PLGRKT: variants seen among roughly 807,000 people sequenced by gnomAD.
PLGRKT encodes plasminogen receptor with a C-terminal lysine, also known as plasminogen receptor (KT).
In PLGRKT, 22 loss-of-function variants were observed where a neutral mutation model predicts 18.5. The ratio of observed to expected loss-of-function variants is 1.19; its 90% CI spans 0.85 to 1.70. PLGRKT has a LOEUF of 1.70. Ranked by LOEUF, PLGRKT falls within the 40% of genes most tolerant of loss-of-function variation. PLGRKT has a pLI of 0.00. For missense variants in PLGRKT, 235 were observed against 174.4 expected, an observed-to-expected ratio of 1.35 and a Z score of -1.96; for synonymous variants, 72 against 52.8, an observed-to-expected ratio of 1.36 and a Z score of -1.58.
chr9:5,409,708 GC>G (rs1335031036), intron 3 of PLGRKT, among the ~76,000 whole-genome samples: 1 of 152,174 alleles, frequency 6.6e-6, no homozygotes, highest in Admixed American at 6.5e-5. Flanking sequence ...ACCAGTGTGC[GC>G]TGGATGTGGG....
intron 3 of PLGRKT, among the ~76,000 whole-genome samples, chr9:5,413,590 G>C (rs753827533): frequency 6.6e-6 from 1 of 152,144 alleles, no homozygotes; most frequent in Non-Finnish European, 1.5e-5. Context: ...AAGGAATGCA[G>C]GCAGCCTCTA....
chr9:5,361,550 A>G (rs1431533468), intron 4 of PLGRKT, among the ~76,000 whole-genome samples: 2 of 152,234 alleles, frequency 1.3e-5, no homozygotes, highest in African/African-American at 4.8e-5. Flanking sequence ...TAAAGTAGAG[A>G]AAAAGACAGA....
At chr9:5,368,634 A>G (rs775224941) in intron 3 of PLGRKT, among the ~76,000 whole-genome samples, 2 of 152,208 alleles carry the variant, frequency 1.3e-5, no homozygotes, top group African/African-American at 4.8e-5. Flanking sequence ...GTTGGGTTCT[A>G]TGCTCACCAT....
chr9:5,432,236 T>C lies in PLGRKT; in HGVS notation c.-6-253A>G, dbSNP rs1260268653. On this transcript the variant is annotated intron_variant, in intron 2 of 5. Coordinates refer to ENST00000223864, the MANE Select transcript of PLGRKT (RefSeq NM_018465.4). ...CTAGATAATTTCCAAAATCCTTCCC[T>C]GCTCTATAAGTATATGGCTGTTTCC... 2.0e-5 allele frequency among the ~76,000 whole-genome samples: 3 copies of C among 152,322 alleles called. No homozygotes were observed. In the East Asian group the frequency reaches 5.8e-4, roughly 29 times the overall value.
chr9:5,395,551 T>C lies in PLGRKT; in HGVS notation c.82-33663A>G, dbSNP rs577612488. Among the ~76,000 whole-genome samples the C allele has an allele frequency of 2.4e-4, 37 of 152,054 alleles. No homozygotes were observed. The South Asian group carries it at 7.7e-3, about 31-fold the overall frequency. ...TATGAAATAAGAAAGTATTGACTCA[T>C]GTAGCAGAAAGTAATATAAGAGCAG... On this transcript the variant is annotated intron_variant, in intron 3 of 5. Coordinates refer to ENST00000223864, the MANE Select transcript of PLGRKT (RefSeq NM_018465.4).
chr9:5,411,513 G>A (rs907237181), intron 3 of PLGRKT, among the ~76,000 whole-genome samples: 1 of 152,152 alleles, frequency 6.6e-6, no homozygotes, highest in African/African-American at 2.4e-5. Flanking sequence ...CAGAGAGCCT[G>A]TGTCACTTAT....
At chr9:5,419,592 G>A (rs1818534519) in intron 3 of PLGRKT, among the ~76,000 whole-genome samples, 1 of 152,148 alleles carries the variant, frequency 6.6e-6, no homozygotes, top group African/African-American at 2.4e-5. Context: ...TATACAAATG[G>A]CCATTAAGCC....
chr9:5,369,478 T>C (rs1056501359), intron 3 of PLGRKT, among the ~76,000 whole-genome samples: 2 of 152,184 alleles, frequency 1.3e-5, no homozygotes, highest in African/African-American at 4.8e-5. Context: ...AGGAACGCGT[T>C]TACACTGTTG....
intron 3 of PLGRKT, among the ~76,000 whole-genome samples, chr9:5,372,368 C>T (rs1312769431): frequency 1.3e-5 from 2 of 152,116 alleles, no homozygotes; most frequent in African/African-American, 4.8e-5. Context: ...TCTAATATGC[C>T]TAATCTTCCC....
intron 3 of PLGRKT, among the ~76,000 whole-genome samples, chr9:5,386,454 C>G (rs1282598112): frequency 6.6e-6 from 1 of 151,732 alleles, no homozygotes; most frequent in Admixed American, 6.6e-5. Context: ...GGGTAGAGGT[C>G]AAGGATGCTG....
chr9:5,378,536 G>A (rs72703669), intron 3 of PLGRKT, among the ~76,000 whole-genome samples: 7,771 of 152,308 alleles, frequency 0.051, 289 homozygotes, highest in Non-Finnish European at 0.073. Flanking sequence ...CCATGCTCTT[G>A]GAAGTCAGGA....
intron 2 of PLGRKT, among the ~76,000 whole-genome samples, chr9:5,435,568 G>C (rs979494347): frequency 5.3e-5 from 8 of 152,204 alleles, no homozygotes; most frequent in African/African-American, 1.9e-4. Flanking sequence ...GTACTTTTTA[G>C]ATGAATGCAC....
At chr9:5,424,691 T>TATATATATATATATATACAC (rs201541927) in intron 3 of PLGRKT, among the ~76,000 whole-genome samples, 47 of 70,486 alleles carry the variant, frequency 6.7e-4, no homozygotes, top group African/African-American at 2.7e-3. Context: ...TATATATATA[T>TATATATATATATATATACAC]ACACACAGGG....
rs574886216 is a variant in PLGRKT at position 5,413,209 on chromosome 9, AC to A, written c.81+18687del. 2.0e-5 allele frequency among the ~76,000 whole-genome samples: 3 copies of A among 152,270 alleles called. No individual in the cohort carries two copies. In the East Asian group the frequency reaches 5.8e-4, roughly 29 times the overall value. On this transcript the variant is annotated intron_variant, in intron 3 of 5. Transcript: ENST00000223864. ...TCAGCAATCTCAACTCTAAAAATCT[AC>A]CCTGAAGATACACCTCTAACAATAT...
At chr9:5,437,287 G>T (rs1300935175) in intron 1 of PLGRKT, among the ~76,000 whole-genome samples, 1 of 152,146 alleles carries the variant, frequency 6.6e-6, no homozygotes, top group Non-Finnish European at 1.5e-5. Flanking sequence ...CTGTCATCGG[G>T]ATTACCACGC....
intron 3 of PLGRKT, among the ~76,000 whole-genome samples, chr9:5,367,201 T>A (rs1286465213): frequency 6.6e-6 from 1 of 152,030 alleles, no homozygotes; most frequent in East Asian, 1.9e-4. Context: ...GCTATTCCTA[T>A]CAAACTACCA....
At chr9:5,416,341 T>A (rs75436140) in intron 3 of PLGRKT, among the ~76,000 whole-genome samples, 5,074 of 152,214 alleles carry the variant, frequency 0.033, 294 homozygotes, top group African/African-American at 0.12. Flanking sequence ...CATGTAGAAG[T>A]CTAAAGATTT....
At chr9:5,419,571 G>A (rs1015228638) in intron 3 of PLGRKT, among the ~76,000 whole-genome samples, 7 of 152,308 alleles carry the variant, frequency 4.6e-5, no homozygotes, top group South Asian at 4.1e-4. Context: ...CTGACATTTC[G>A]CCAAAGCAGA....
chr9:5,425,141 G>T (rs1235044039), intron 3 of PLGRKT, among the ~76,000 whole-genome samples: 1 of 152,144 alleles, frequency 6.6e-6, no homozygotes, highest in Non-Finnish European at 1.5e-5. Context: ...CTGCAGCACA[G>T]CATGGACCTA....
Sources: gnomAD v4.1 joint callset for allele counts (sites outside exome capture counted in the v4.1 genomes callset) on GRCh38, gnomAD v4.1.1 for gene constraint, MANE v1.5 for transcripts, NCBI Gene and HGNC (gene_info 2026-07-23, HGNC 2026-07-21) for gene names.